Variants in SGK3 observed in about 807,000 individuals in gnomAD.
The protein encoded by SGK3 is serine/threonine-protein kinase Sgk3.
Under a neutral mutation model 68.5 loss-of-function variants are expected in SGK3, and 47 were observed. The ratio of observed to expected loss-of-function variants is 0.69; its 90% CI spans 0.54 to 0.87. The LOEUF is 0.87. Ranked by LOEUF, SGK3 falls within the 40% of genes least tolerant of loss-of-function variation. SGK3 has a pLI of 0.00. For synonymous variants in SGK3, 181 were observed against 189.1 expected (o/e 0.96, Z 0.35); for missense variants, 479 against 575.5 (o/e 0.83, Z 1.72).
At chr8:66,827,247 T>G (rs1809098851) in intron 6 of SGK3, among the ~76,000 whole-genome samples, 2 of 151,792 alleles carry the variant, frequency 1.3e-5, no homozygotes, top group South Asian at 4.1e-4. Flanking sequence ...CCGGGCATGG[T>G]GGCGTATGCC....
chr8:66,845,697 T>C (rs896283569), intron 14 of SGK3, among the ~76,000 whole-genome samples: 3 of 120,048 alleles, frequency 2.5e-5, no homozygotes, highest in South Asian at 2.6e-4. Context: ...AGCTTGCTTA[T>C]TTATTTATTT....
intron 15 of SGK3, among the ~76,000 whole-genome samples, chr8:66,848,259 A>G (rs559673449): frequency 2.6e-5 from 4 of 152,262 alleles, no homozygotes; most frequent in Admixed American, 1.3e-4. Flanking sequence ...GATGAATCCA[A>G]CTATCATCTC....
At chr8:66,757,556 G>T (rs1274934713) in intron 1 of SGK3, among the ~76,000 whole-genome samples, 1 of 151,490 alleles carries the variant, frequency 6.6e-6, no homozygotes, top group Non-Finnish European at 1.5e-5. Flanking sequence ...CAAGGAGTTT[G>T]TATTTATATG....
At chr8:66,802,882 T>G (rs1293340183) in intron 3 of SGK3, among the ~76,000 whole-genome samples, 1 of 152,150 alleles carries the variant, frequency 6.6e-6, no homozygotes, top group African/African-American at 2.4e-5. Context: ...CCATTCCTGG[T>G]TCATCTCTAT....
intron 5 of SGK3, among the ~76,000 whole-genome samples, chr8:66,816,025 A>T (rs1808561138): frequency 6.6e-6 from 1 of 152,084 alleles, no homozygotes; most frequent in Non-Finnish European, 1.5e-5. Context: ...TTTGAGACGG[A>T]GTCTCACTGT....
chr8:66,827,275 G>A (rs890906787), intron 6 of SGK3, among the ~76,000 whole-genome samples: 3 of 151,306 alleles, frequency 2.0e-5, no homozygotes, highest in African/African-American at 4.9e-5. Context: ...CCAGCTACTC[G>A]GGAGGCTGAG....
At chr8:66,822,258 ACTTT>A in intron 5 of SGK3, 110 bp from the exon 6 acceptor site, 4 of 885,266 alleles carry the variant, frequency 4.5e-6, no homozygotes, top group South Asian at 2.9e-5. Flanking sequence ...ATTCTGTTTT[ACTTT>A]CTTACTGTAA....
chr8:66,796,352 T>TTTTA (rs1807693571), intron 2 of SGK3, among the ~76,000 whole-genome samples: 1 of 137,720 alleles, frequency 7.3e-6, no homozygotes, highest in Non-Finnish European at 1.5e-5. Context: ...TTTTTTTTTT[T>TTTTA]AGAAGGGACT....
At chr8:66,727,491 T>C (rs988212503) in intron 1 of SGK3, among the ~76,000 whole-genome samples, 1 of 152,158 alleles carries the variant, frequency 6.6e-6, no homozygotes, top group African/African-American at 2.4e-5. Flanking sequence ...TCTGGATGTG[T>C]CTCCCACAGT....
intron 8 of SGK3, among the ~76,000 whole-genome samples, chr8:66,831,535 T>A (rs1237865707): frequency 6.6e-6 from 1 of 152,136 alleles, no homozygotes; most frequent in Non-Finnish European, 1.5e-5. Context: ...GACAGGGCCT[T>A]GCTCTCTTGC....
At chr8:66,812,551 T>C (rs1275589306) in intron 4 of SGK3, among the ~76,000 whole-genome samples, 1 of 151,184 alleles carries the variant, frequency 6.6e-6, no homozygotes, top group Non-Finnish European at 1.5e-5. Flanking sequence ...GAGCAAGACT[T>C]TGTCTCAAAG....
At position 66,789,101 on chromosome 8, in the gene SGK3, G is replaced by A. The variant is rs532171292; in HGVS notation, c.-121-4515G>A. ...AGGTCAGTAGTCATACCAGATGTCC[G>A]GGATTATGCTAATTTTATTCAGAAA... is the stretch of plus-strand genomic sequence containing the variant. On this transcript the variant is annotated intron_variant, in intron 1 of 16. Transcript: ENST00000521198. Among the ~76,000 whole-genome samples the A allele has an allele frequency of 5.9e-5, 9 of 151,454 alleles. No homozygotes were observed. In the South Asian group the frequency reaches 1.0e-3, roughly 18 times the overall value.
intron 1 of SGK3, among the ~76,000 whole-genome samples, chr8:66,778,990 A>G (rs1438146741): frequency 6.6e-6 from 1 of 152,180 alleles, no homozygotes; most frequent in Non-Finnish European, 1.5e-5. Context: ...CTTTGTTTCT[A>G]TACTGGATAG....
At chr8:66,839,514 T>TAC (rs1809687796) in intron 10 of SGK3, among the ~76,000 whole-genome samples, 1 of 33,174 alleles carries the variant, frequency 3.0e-5, no homozygotes, top group Non-Finnish European at 5.9e-5. Flanking sequence ...TATATATATA[T>TAC]ATATATATAT....
At chr8:66,821,199 T>C (rs1383757610) in intron 5 of SGK3, among the ~76,000 whole-genome samples, 1 of 152,082 alleles carries the variant, frequency 6.6e-6, no homozygotes, top group Non-Finnish European at 1.5e-5. Context: ...TCTTCATCCT[T>C]CTTCTTCATA....
At chr8:66,805,676 C>G (rs1247298724) in intron 4 of SGK3, among the ~76,000 whole-genome samples, 1 of 152,170 alleles carries the variant, frequency 6.6e-6, no homozygotes, top group Non-Finnish European at 1.5e-5. Flanking sequence ...TCACAGATGG[C>G]TACTTACAGG....
Position 66,787,467 on chromosome 8 carries a change from C to G in SGK3, c.-121-6149C>G, listed in dbSNP as rs765520303. Among the ~76,000 whole-genome samples, 59 of 152,182 alleles carry G rather than the reference C, an allele frequency of 3.9e-4. 1 individual carries two copies. The highest frequency in any genetic ancestry group is 4.9e-4 in the Non-Finnish European group (33 of 68,034). On this transcript the variant is annotated intron_variant, in intron 1 of 16. Coordinates refer to ENST00000521198, the MANE Select transcript of SGK3 (RefSeq NM_001033578.3). ...TCCTTCCCTAAGGGCTGTCTAATCC[C>G]CCCTGTGGGATGGTGGGATAGTGGG...
At chr8:66,721,056 G>A (rs1210255614) in intron 1 of SGK3, among the ~76,000 whole-genome samples, 2 of 152,204 alleles carry the variant, frequency 1.3e-5, no homozygotes, top group Non-Finnish European at 2.9e-5. Flanking sequence ...AAACAGCACC[G>A]CCACCAATGG....
chr8:66,740,783 C>A lies in SGK3; in HGVS notation c.-122+27950C>A, dbSNP rs1368743436. On this transcript the variant is annotated intron_variant, in intron 1 of 16. Transcript: ENST00000521198. ...TTAGCCAGGTGTGGTGGTGCACGCC[C>A]GTAGTCCCAGCTACTCAGGAGGATG... 2.6e-5 allele frequency among the ~76,000 whole-genome samples: 4 copies of A among 151,704 alleles called. No homozygotes were observed. In the East Asian group the frequency reaches 5.8e-4, roughly 22 times the overall value.
Sources: gnomAD v4.1 joint callset for allele counts (sites outside exome capture counted in the v4.1 genomes callset) on GRCh38, gnomAD v4.1.1 for gene constraint, MANE v1.5 for transcripts, NCBI Gene and HGNC (gene_info 2026-07-23, HGNC 2026-07-21) for gene names.